Variants in KRABD1 observed in about 807,000 individuals in gnomAD.
The protein encoded by KRABD1 is KRAB domain-containing protein 1.
chr3:42,937,222 C>G, the KRABD1 span: 2 of 152,150 alleles, frequency 1.3e-5, no homozygotes, highest in Non-Finnish European at 2.9e-5. Context: ...GGATAACATT[C>G]GATGTCCCTG....
chr3:42,942,119 C>T, the KRABD1 span: 3 of 1,264,678 alleles, frequency 2.4e-6, no homozygotes, highest in Non-Finnish European at 3.3e-6. Flanking sequence ...CTTCCTTTGC[C>T]TTCATTTCAT....
At chr3:42,937,026 A>C in the KRABD1 span, 1 of 152,190 alleles carries the variant, frequency 6.6e-6, no homozygotes, top group East Asian at 1.9e-4. Flanking sequence ...AAGAATGTTA[A>C]ATCTAAAAAG....
chr3:42,941,328 A>G, the KRABD1 span: 1 of 1,599,210 alleles, frequency 6.3e-7, no homozygotes, highest in Non-Finnish European at 8.5e-7. Flanking sequence ...GATGCTGGAG[A>G]ACTATGAGGC....
At chr3:42,942,622 G>A in the KRABD1 span, 51 of 1,413,838 alleles carry the variant, frequency 3.6e-5, no homozygotes, top group Non-Finnish European at 4.5e-5. Flanking sequence ...AATCGTCAAT[G>A]CTGGGAAGAC....
At chr3:42,942,571 C>G in the KRABD1 span, 1 of 1,416,056 alleles carries the variant, frequency 7.1e-7, no homozygotes, top group Non-Finnish European at 9.3e-7. Flanking sequence ...ACTTACTTAG[C>G]TAAAGCAGTG....
At chr3:42,942,024 A>G in the KRABD1 span, 14 of 1,536,022 alleles carry the variant, frequency 9.1e-6, no homozygotes, top group Non-Finnish European at 1.1e-5. Flanking sequence ...TGTTTCACCC[A>G]GCCACAGGGA....
chr3:42,941,782 A>T, the KRABD1 span, among the ~76,000 whole-genome samples: 3 of 152,082 alleles, frequency 2.0e-5, no homozygotes. Context: ...CCTTGGAAGA[A>T]CCATCCTGAC....
chr3:42,941,769 C>G, the KRABD1 span, among the ~76,000 whole-genome samples: 1 of 152,190 alleles, frequency 6.6e-6, no homozygotes, highest in East Asian at 1.9e-4. Flanking sequence ...GTGTTTCAGG[C>G]TTCCTTGGAA....
At chr3:42,942,200 C>G in the KRABD1 span, 8 of 686,312 alleles carry the variant, frequency 1.2e-5, no homozygotes, top group Admixed American at 1.8e-4. Context: ...CACATTTTTT[C>G]TGACCGGTGT....
the KRABD1 span, chr3:42,941,330 C>G: frequency 6.3e-7 from 1 of 1,599,206 alleles, no homozygotes; most frequent in Non-Finnish European, 8.5e-7. Flanking sequence ...TGCTGGAGAA[C>G]TATGAGGCTG....
chr3:42,940,051 C>A, the KRABD1 span, among the ~76,000 whole-genome samples: 1 of 152,122 alleles, frequency 6.6e-6, no homozygotes, highest in Admixed American at 6.5e-5. Flanking sequence ...TATAAGAAAT[C>A]TTTTCTTACT....
At chr3:42,941,069 C>T in the KRABD1 span, 5 of 535,584 alleles carry the variant, frequency 9.3e-6, no homozygotes, top group Non-Finnish European at 1.2e-5. Flanking sequence ...CATCTTCTTC[C>T]TCCACACCTA....
chr3:42,939,050 ATATGTGTG>A, the KRABD1 span: 1 of 695,716 alleles, frequency 1.4e-6, no homozygotes, highest in Admixed American at 2.6e-5. Context: ...ATACTTTTAT[ATATGTGTG>A]TATGTGTACA....
the KRABD1 span, chr3:42,941,907 A>G: frequency 8.9e-7 from 1 of 1,122,350 alleles, no homozygotes; most frequent in South Asian, 1.3e-5. Flanking sequence ...CTTAAATTTG[A>G]CCCCTATGAC....
At chr3:42,940,422 C>T in the KRABD1 span, among the ~76,000 whole-genome samples, 9 of 152,102 alleles carry the variant, frequency 5.9e-5, no homozygotes, top group Admixed American at 4.6e-4. Flanking sequence ...GGCTTTTCTC[C>T]AAGGTAATTA....
At chr3:42,940,765 A>G in the KRABD1 span, among the ~76,000 whole-genome samples, 1 of 152,208 alleles carries the variant, frequency 6.6e-6, no homozygotes, top group Non-Finnish European at 1.5e-5. Context: ...GCAAGGAGAT[A>G]GGCAAGAACG....
At chr3:42,941,877 C>T in the KRABD1 span, 12 of 844,644 alleles carry the variant, frequency 1.4e-5, no homozygotes, top group Non-Finnish European at 1.9e-5. Context: ...ACCTCCCTTG[C>T]TTGTTCTTGT....
the KRABD1 span, chr3:42,941,821 T>G: frequency 1.6e-6 from 1 of 619,556 alleles, no homozygotes; most frequent in Non-Finnish European, 2.9e-6. Flanking sequence ...TCCCAGTACC[T>G]CTTTAGGGTA....
At chr3:42,941,560 T>C in the KRABD1 span, among the ~76,000 whole-genome samples, 50 of 152,222 alleles carry the variant, frequency 3.3e-4, no homozygotes, top group African/African-American at 1.2e-3. Flanking sequence ...CTGAGTACAG[T>C]AGGGCTTGAG....
Sources: gnomAD v4.1 joint callset for allele counts (sites outside exome capture counted in the v4.1 genomes callset) on GRCh38, gnomAD v4.1.1 for gene constraint, MANE v1.5 for transcripts, NCBI Gene and HGNC (gene_info 2026-07-23, HGNC 2026-07-21) for gene names.